Variants in ASTN2 observed in about 807,000 individuals in gnomAD.
The protein encoded by ASTN2 is astrotactin 2.
A neutral mutation model predicts 139.8 loss-of-function variants in ASTN2; 54 were observed. That is an observed-to-expected ratio of 0.39 (90% CI 0.31 to 0.48). The LOEUF (loss-of-function observed/expected upper bound fraction) is 0.48, where lower values mean the gene tolerates loss of function less well. Among genes scored for constraint, ASTN2 ranks in the 20% least tolerant of loss-of-function variants. ASTN2 has a pLI of 0.95. For synonymous variants in ASTN2, 756 were observed against 719.5 expected, an observed-to-expected ratio of 1.05 and a Z score of -0.81; for missense variants, 1,565 against 1,725.1, an observed-to-expected ratio of 0.91 and a Z score of 1.64.
At chr9:116,989,507 T>C (rs1836783248) in intron 7 of ASTN2, among the ~76,000 whole-genome samples, 2 of 152,110 alleles carry the variant, frequency 1.3e-5, no homozygotes, top group Admixed American at 6.6e-5. Flanking sequence ...TGGAATATTA[T>C]ACCATTTTAC....
intron 3 of ASTN2, among the ~76,000 whole-genome samples, chr9:117,148,483 T>TAG (rs1830252537): frequency 6.6e-6 from 1 of 152,190 alleles, no homozygotes; most frequent in Non-Finnish European, 1.5e-5. Flanking sequence ...CAAACTTTCT[T>TAG]AGAAATTATA....
chr9:116,870,984 C>T (rs1018932632), intron 10 of ASTN2, among the ~76,000 whole-genome samples: 2 of 152,180 alleles, frequency 1.3e-5, no homozygotes, highest in African/African-American at 2.4e-5. Context: ...TCAGGGCAGG[C>T]ACGGTGCCTC....
At chr9:117,298,726 G>A (rs1014254456) in intron 1 of ASTN2, among the ~76,000 whole-genome samples, 1 of 145,442 alleles carries the variant, frequency 6.9e-6, no homozygotes, top group South Asian at 2.2e-4. Context: ...GTGTGTGTGT[G>A]TGTGTGTATA....
intron 19 of ASTN2, among the ~76,000 whole-genome samples, chr9:116,610,617 A>AT (rs1393135382): frequency 1.3e-5 from 2 of 152,222 alleles, no homozygotes; most frequent in African/African-American, 2.4e-5. Flanking sequence ...AAACAAAAAA[A>AT]AAGTAAAGTA....
chr9:116,443,151 G>C (rs75625568), intron 20 of ASTN2, among the ~76,000 whole-genome samples: 5,099 of 152,300 alleles, frequency 0.033, 115 homozygotes, highest in East Asian at 0.069. Flanking sequence ...TGGGCTTTGG[G>C]ATGTAGCCCA....
intron 6 of ASTN2, among the ~76,000 whole-genome samples, chr9:117,028,038 A>G (rs1033902352): frequency 6.6e-6 from 1 of 152,150 alleles, no homozygotes; most frequent in Non-Finnish European, 1.5e-5. Context: ...TCCAAATCCC[A>G]TGTTCTTTCC....
At chr9:116,427,682 G>C (rs762606622) in intron 22 of ASTN2, among the ~76,000 whole-genome samples, 1 of 152,232 alleles carries the variant, frequency 6.6e-6, no homozygotes, top group African/African-American at 2.4e-5. Flanking sequence ...GAGCTTATGT[G>C]TATACATTTT....
intron 22 of ASTN2, chr9:116,437,499 C>T: frequency 2.1e-6 from 1 of 471,332 alleles, no homozygotes; most frequent in Non-Finnish European, 4.4e-6. Context: ...TTATCACAAA[C>T]CATTACTGAG....
intron 17 of ASTN2, among the ~76,000 whole-genome samples, chr9:116,643,206 A>G (rs550477073): frequency 9.2e-5 from 14 of 152,246 alleles, no homozygotes; most frequent in African/African-American, 3.4e-4. Flanking sequence ...GCACTCGATA[A>G]TTGTTAGGTT....
intron 2 of ASTN2, among the ~76,000 whole-genome samples, chr9:117,260,151 C>T (rs1003867355): frequency 6.6e-6 from 1 of 152,034 alleles, no homozygotes; most frequent in Non-Finnish European, 1.5e-5. Context: ...CCCTAAAAAC[C>T]CTGACACAAC....
chr9:116,942,410 C>T (rs1835266858), intron 10 of ASTN2, among the ~76,000 whole-genome samples: 1 of 152,194 alleles, frequency 6.6e-6, no homozygotes, highest in Admixed American at 6.5e-5. Flanking sequence ...GCTTCTCATT[C>T]TTTCTGCTGG....
intron 20 of ASTN2, among the ~76,000 whole-genome samples, chr9:116,486,981 A>G (rs969344179): frequency 6.6e-6 from 1 of 152,182 alleles, no homozygotes; most frequent in Admixed American, 6.5e-5. Context: ...TACTAATATA[A>G]TATTTAAAGA....
intron 1 of ASTN2, among the ~76,000 whole-genome samples, chr9:117,358,078 T>A (rs1829591459): frequency 6.6e-6 from 1 of 152,136 alleles, no homozygotes; most frequent in Non-Finnish European, 1.5e-5. Context: ...CAGACCCCGA[T>A]ATGGTAAAGT....
In ASTN2 at chr9:116,698,137, G is replaced by C; in HGVS notation, c.2806+27634C>G. The C allele has an allele frequency of 6.2e-7, 1 of 1,614,098 alleles. No individual in the cohort carries two copies. Among genetic ancestry groups the C allele is most frequent in the Non-Finnish European group, 8.5e-7 (1 of 1,180,024 alleles). On this transcript the variant is annotated intron_variant, in intron 16 of 22. Coordinates refer to ENST00000313400, the MANE Select transcript of ASTN2 (RefSeq NM_001365068.1). This position sits in a 1 kb window ranked among gnomAD's most constrained non-coding sequence, Gnocchi z 4.4. ...CGGGAGGCAGACCATCAGCCTCCTG[G>C]CCACTGTACACTCCCTGTCAAAGAA...
rs1410152934 is a variant in ASTN2, at chr9:116,445,195, C to T, written c.3498-2642G>A. ...TATAAATGAATGAATGAAAGCATAC[C>T]ACCTCTCATTTCTTTAGTTTCTCCA... On this transcript the variant is annotated intron_variant, in intron 20 of 22. Coordinates refer to ENST00000313400, the MANE Select transcript of ASTN2 (RefSeq NM_001365068.1). Among the ~76,000 whole-genome samples, 10 of 152,182 alleles carry T rather than the reference C, an allele frequency of 6.6e-5. 1 individual carries two copies. The highest frequency in any genetic ancestry group is 2.1e-4 in the South Asian group (1 of 4,818).
At chr9:117,368,090 C>T (rs907398599) in intron 1 of ASTN2, among the ~76,000 whole-genome samples, 6 of 152,038 alleles carry the variant, frequency 3.9e-5, no homozygotes, top group African/African-American at 1.4e-4. Flanking sequence ...TGGAAGCTAA[C>T]GATCCGCAAG....
At chr9:117,323,136 G>A (rs1452657702) in intron 1 of ASTN2, among the ~76,000 whole-genome samples, 1 of 152,044 alleles carries the variant, frequency 6.6e-6, no homozygotes, top group Non-Finnish European at 1.5e-5. Context: ...GTCTGGTGCA[G>A]AGACAGAGTG....
intron 5 of ASTN2, among the ~76,000 whole-genome samples, chr9:117,072,343 A>C (rs930091592): frequency 6.6e-6 from 1 of 152,212 alleles, no homozygotes. Context: ...GGTTTGAGAC[A>C]CTGTGGATCG....
At chr9:117,084,031 T>C (rs1463617026) in intron 5 of ASTN2, among the ~76,000 whole-genome samples, 1 of 120,324 alleles carries the variant, frequency 8.3e-6, no homozygotes, top group Non-Finnish European at 1.7e-5. Context: ...AGAAGGGATC[T>C]TTAAGAAAAA....
Sources: allele counts gnomAD v4.1 joint callset (sites outside exome capture counted in the v4.1 genomes callset), GRCh38; gene constraint gnomAD v4.1.1; non-coding constraint Gnocchi (gnomAD v3.1); transcripts MANE v1.5; gene names NCBI Gene and HGNC (gene_info 2026-07-23, HGNC 2026-07-21).